The following ERBIN variants were observed in gnomAD, a reference collection of about 807,000 sequenced individuals.
The protein encoded by ERBIN is densin-180-like protein.
In ERBIN, 60 loss-of-function variants were observed where a neutral mutation model predicts 158.4. That is an observed-to-expected ratio of 0.38 (90% CI 0.31 to 0.47). The LOEUF (loss-of-function observed/expected upper bound fraction) is 0.47, where lower values mean the gene tolerates loss of function less well. ERBIN is among the 20% of genes least tolerant of loss of function. The pLI is 0.99. For missense variants in ERBIN, 1,610 were observed against 1,648.0 expected (o/e 0.98, Z 0.40); for synonymous variants, 594 against 557.2 (o/e 1.07, Z -0.93).
At chr5:66,015,193 A>G (rs908976634) in intron 7 of ERBIN, among the ~76,000 whole-genome samples, 3 of 152,160 alleles carry the variant, frequency 2.0e-5, no homozygotes, top group Non-Finnish European at 4.4e-5. Flanking sequence ...ACAACAAGAG[A>G]TGGCAATCCA....
chr5:66,017,129 A>C (rs958719216), intron 7 of ERBIN, among the ~76,000 whole-genome samples: 1 of 152,116 alleles, frequency 6.6e-6, no homozygotes, highest in South Asian at 2.1e-4. Context: ...TATTTTGGCT[A>C]TTGTGAATAG....
chr5:65,981,053 CA>C (rs1750603426), intron 1 of ERBIN, among the ~76,000 whole-genome samples: 1 of 152,136 alleles, frequency 6.6e-6, no homozygotes, highest in African/African-American at 2.4e-5. Context: ...TCAAAAGTCT[CA>C]ACATATTTCA....
chr5:66,054,947 A>G lies in ERBIN; in HGVS notation c.3629A>G (p.Glu1210Gly), dbSNP rs780398619. 4 of 1,567,936 alleles carry G rather than the reference A, an allele frequency of 2.6e-6. No individual in the cohort carries two copies. Among genetic ancestry groups the G allele is most frequent in the African/African-American group, 2.7e-5 (2 of 72,794 alleles). Reference protein sequence around the residue: ...VLRHIEAKKLEKKHPQTSSSG... With the variant: ...VLRHIEAKKLGKKHPQTSSSG... ...CGACATATTGAAGCCAAAAAGTTAG[A>G]AAAGGTAATTGAACATGAGTTTTTC... Residue 1210 changes from glutamate (E) to glycine (G), a missense_variant, in exon 21 of 26, where the codon GAA (glutamate) becomes GGA (glycine). Glu to Gly is a moderately conservative substitution (Grantham distance 98). Coordinates refer to ENST00000284037, the MANE Select transcript of ERBIN (RefSeq NM_001253697.2).
intron 1 of ERBIN, among the ~76,000 whole-genome samples, chr5:65,969,458 CTTTG>C (rs1284246437): frequency 6.6e-6 from 1 of 152,078 alleles, no homozygotes; most frequent in Non-Finnish European, 1.5e-5. Context: ...CTTTTATGCC[CTTTG>C]TTTTTTAACA....
At chr5:65,954,243 G>A (rs1180456053) in intron 1 of ERBIN, among the ~76,000 whole-genome samples, 1 of 152,182 alleles carries the variant, frequency 6.6e-6, no homozygotes, top group Non-Finnish European at 1.5e-5. Context: ...AAAATAATCT[G>A]TGGGGGAGAG....
chr5:65,938,235 T>C (rs192346828), intron 1 of ERBIN, among the ~76,000 whole-genome samples: 22 of 152,320 alleles, frequency 1.4e-4, no homozygotes, highest in African/African-American at 5.1e-4. Context: ...TCTGGCTATT[T>C]AAATAAAGGA....
intron 4 of ERBIN, among the ~76,000 whole-genome samples, chr5:66,010,528 T>G (rs556703991): frequency 8.2e-4 from 125 of 152,330 alleles, no homozygotes; most frequent in Non-Finnish European, 1.6e-3. Context: ...ACCCACTAGT[T>G]TTAGCATGCA....
intron 1 of ERBIN, among the ~76,000 whole-genome samples, chr5:65,957,913 G>A (rs1036058311): frequency 6.6e-5 from 10 of 151,382 alleles, no homozygotes; most frequent in African/African-American, 1.7e-4. Flanking sequence ...GGCGGCTGCC[G>A]GGCGGAGGGG....
In ERBIN at chr5:66,080,600, T is replaced by G. The variant is rs1466967885; in HGVS notation, c.*2070T>G. The G allele has an allele frequency of 1.3e-5, 2 of 152,104 alleles. No homozygotes were observed. Among genetic ancestry groups the G allele is most frequent in the African/African-American group, 2.4e-5 (1 of 41,464 alleles). The allele number at this position is 152,104 out of a possible 1,614,324, so 9.4% of individuals were successfully genotyped here. A position where few individuals can be genotyped will look rare whatever the true frequency, so the allele number is the denominator to read the frequency against. ...ATAGCTAACATTTCTTTTATTGATT[T>G]CAGATTTTCACAGGCACATTCTACT... is the stretch of plus-strand genomic sequence containing the variant. On this transcript the variant is annotated 3_prime_UTR_variant, in exon 26 of 26. Transcript: ENST00000284037.
At chr5:65,982,242 A>G (rs989237862) in intron 1 of ERBIN, among the ~76,000 whole-genome samples, 1 of 152,182 alleles carries the variant, frequency 6.6e-6, no homozygotes, top group Non-Finnish European at 1.5e-5. Flanking sequence ...AAGAACCCCA[A>G]ATTGGAAAAC....
Position 66,076,366 on chromosome 5 carries a change from T to A in ERBIN, c.4014T>A (p.Gly1338=). ...CAGAACTTGGATTTAGCATATCAGG[T>A]GGTGTCGGGGGTAGAGGAAACCCAT... ...KDPELGFSIS[G]GVGGRGNPFR... The change falls in exon 24 of 26, where the codon GGT becomes GGA. Residue 1338 remains glycine, a synonymous_variant. Coordinates refer to ENST00000284037, the MANE Select transcript of ERBIN (RefSeq NM_001253697.2). 6.2e-7 allele frequency: 1 copy of A among 1,613,694 alleles called. No individual in the cohort carries two copies. Among genetic ancestry groups the A allele is most frequent in the Non-Finnish European group, 8.5e-7 (1 of 1,179,824 alleles).
At chr5:66,018,459 TTATATA>T (rs1755070094) in intron 7 of ERBIN, among the ~76,000 whole-genome samples, 1 of 11,356 alleles carries the variant, frequency 8.8e-5, no homozygotes. Flanking sequence ...ATATATTATA[TTATATA>T]ATATATATTA....
At chr5:65,965,379 GTTGTTTTTTTTTTTTTTTTTTTTTTTTT>G (rs1748461759) in intron 1 of ERBIN, among the ~76,000 whole-genome samples, 2 of 103,650 alleles carry the variant, frequency 1.9e-5, no homozygotes, top group African/African-American at 7.4e-5. Flanking sequence ...TTTGTTTTTT[GTTGTTTTTTTTTTTTTTTTTTTTTTTTT>G]TTTTTTTTTT....
At chr5:65,948,286 C>T (rs527504599) in intron 1 of ERBIN, among the ~76,000 whole-genome samples, 13 of 151,810 alleles carry the variant, frequency 8.6e-5, no homozygotes, top group South Asian at 6.2e-4. Flanking sequence ...GCAATCTTCC[C>T]GCCTCAGCCT....
intron 21 of ERBIN, among the ~76,000 whole-genome samples, chr5:66,059,211 A>G (rs536519855): frequency 1.3e-5 from 2 of 151,868 alleles, no homozygotes; most frequent in South Asian, 2.1e-4. Flanking sequence ...CTTTTATTTC[A>G]TTGAGCAGTG....
At chr5:66,034,776 T>C (rs1434572626) in intron 14 of ERBIN, among the ~76,000 whole-genome samples, 2 of 152,120 alleles carry the variant, frequency 1.3e-5, no homozygotes, top group African/African-American at 4.8e-5. Context: ...CTCAGCAATG[T>C]AATATAGAGA....
At chr5:65,956,977 A>G (rs1747217047) in intron 1 of ERBIN, among the ~76,000 whole-genome samples, 1 of 151,008 alleles carries the variant, frequency 6.6e-6, no homozygotes, top group Admixed American at 6.5e-5. Context: ...CCATGCTGCT[A>G]TTTGTGTATG....
At chr5:65,930,132 A>G (rs550744712) in intron 1 of ERBIN, among the ~76,000 whole-genome samples, 10 of 152,014 alleles carry the variant, frequency 6.6e-5, no homozygotes, top group Non-Finnish European at 1.2e-4. Context: ...ATATTTTGCC[A>G]TTTCCCTCTT....
intron 8 of ERBIN, among the ~76,000 whole-genome samples, chr5:66,022,082 A>T (rs73763065): frequency 6.6e-6 from 1 of 152,002 alleles, no homozygotes; most frequent in South Asian, 2.1e-4. Context: ...GATGGTTTTA[A>T]GCCTAGGAAT....
Sources: allele counts gnomAD v4.1 joint callset (sites outside exome capture counted in the v4.1 genomes callset), GRCh38; gene constraint gnomAD v4.1.1; transcripts MANE v1.5; gene names NCBI Gene and HGNC (gene_info 2026-07-23, HGNC 2026-07-21).